HDAC9: variants seen among roughly 807,000 people sequenced by gnomAD.
HDAC9 encodes MEF-2 interacting transcription repressor (MITR) protein.
In HDAC9, 41 loss-of-function variants were observed where a neutral mutation model predicts 139.4. The ratio of observed to expected loss-of-function variants is 0.29; its 90% CI spans 0.23 to 0.38. The LOEUF (loss-of-function observed/expected upper bound fraction) is 0.38. Ranked by LOEUF, HDAC9 falls within the 10% of genes least tolerant of loss-of-function variation. The pLI, the probability that HDAC9 is intolerant of heterozygous loss-of-function variation, is 1.00. For synonymous variants in HDAC9, 517 were observed against 476.2 expected, an observed-to-expected ratio of 1.09 and a Z score of -1.12; for missense variants, 1,147 against 1,297.0, an observed-to-expected ratio of 0.88 and a Z score of 1.78.
chr7:18,916,328 A>T (rs1019233781), intron 22 of HDAC9, among the ~76,000 whole-genome samples: 1 of 152,048 alleles, frequency 6.6e-6, no homozygotes, highest in Non-Finnish European at 1.5e-5. Flanking sequence ...TCATAAATGC[A>T]AGGGGACTTT....
chr7:18,150,261 A>G (rs1786674517), intron 1 of HDAC9, among the ~76,000 whole-genome samples: 2 of 151,962 alleles, frequency 1.3e-5, no homozygotes, highest in South Asian at 4.1e-4. Flanking sequence ...GCAACAAAAC[A>G]GTCTGATTTA....
intron 24 of HDAC9, among the ~76,000 whole-genome samples, chr7:18,966,098 C>T (rs1457079239): frequency 6.6e-6 from 1 of 152,176 alleles, no homozygotes; most frequent in Non-Finnish European, 1.5e-5. Context: ...GCTTTAGCTT[C>T]TATCATTGTT....
At chr7:18,256,493 T>C (rs1270602559) in intron 2 of HDAC9, among the ~76,000 whole-genome samples, 1 of 152,224 alleles carries the variant, frequency 6.6e-6, no homozygotes, top group Non-Finnish European at 1.5e-5. Context: ...AGGTAAATCA[T>C]GCAGCCAATG....
At chr7:18,217,146 T>A (rs181687898) in intron 2 of HDAC9, among the ~76,000 whole-genome samples, 2 of 152,286 alleles carry the variant, frequency 1.3e-5, no homozygotes, top group African/African-American at 4.8e-5. Context: ...GTTTATATAT[T>A]CTACTCAGCT....
At chr7:18,207,750 T>C (rs1010881954) in intron 2 of HDAC9, among the ~76,000 whole-genome samples, 1 of 151,966 alleles carries the variant, frequency 6.6e-6, no homozygotes, top group Non-Finnish European at 1.5e-5. Flanking sequence ...GTTTTGCTCT[T>C]GTTGCCCAGG....
intron 1 of HDAC9, among the ~76,000 whole-genome samples, chr7:18,093,551 A>C (rs537010098): frequency 1.3e-5 from 2 of 152,192 alleles, no homozygotes; most frequent in East Asian, 3.9e-4. Context: ...CTTAGATCTA[A>C]AAGTAAGAAT....
chr7:18,494,478 G>T (rs532453683), upstream of HDAC9, among the ~76,000 whole-genome samples: 110 of 151,944 alleles, frequency 7.2e-4, no homozygotes, highest in African/African-American at 2.4e-3. Context: ...CATTTTCCTC[G>T]CTGATTTAGT....
At chr7:18,888,279 G>T (rs1585230201) in intron 22 of HDAC9, among the ~76,000 whole-genome samples, 1 of 152,166 alleles carries the variant, frequency 6.6e-6, no homozygotes, top group Non-Finnish European at 1.5e-5. Flanking sequence ...AATAAAATTA[G>T]CCAGGCGTGG....
At chr7:18,629,909 A>G (rs535823909) in intron 7 of HDAC9, among the ~76,000 whole-genome samples, 1 of 152,302 alleles carries the variant, frequency 6.6e-6, no homozygotes, top group East Asian at 1.9e-4. Flanking sequence ...TGGAACAGCA[A>G]AACCTTGACT....
intron 2 of HDAC9, among the ~76,000 whole-genome samples, chr7:18,235,143 A>G (rs1183944092): frequency 1.3e-5 from 2 of 152,206 alleles, no homozygotes. Flanking sequence ...CTGCAGATAA[A>G]GGAGTACATA....
At chr7:18,829,436 T>G in intron 18 of HDAC9, 25 bp from the exon 19 acceptor site, 1 of 1,526,524 alleles carries the variant, frequency 6.6e-7, no homozygotes, top group East Asian at 2.2e-5. Context: ...GCTTTCTTAT[T>G]TCTCTGTTCT....
chr7:18,120,431 A>G (rs551310470), intron 1 of HDAC9, among the ~76,000 whole-genome samples: 93 of 152,346 alleles, frequency 6.1e-4, no homozygotes, highest in Non-Finnish European at 1.1e-3. Context: ...CATTCATTAG[A>G]GACGGAGCCA....
At chr7:18,338,321 C>T (rs1261838096) in intron 1 of HDAC9, among the ~76,000 whole-genome samples, 2 of 151,580 alleles carry the variant, frequency 1.3e-5, no homozygotes, top group Non-Finnish European at 3.0e-5. Flanking sequence ...AACGATGTTG[C>T]AGTGATAATG....
intron 1 of HDAC9, among the ~76,000 whole-genome samples, chr7:18,446,013 C>T (rs1277522818): frequency 6.6e-6 from 1 of 152,188 alleles, no homozygotes; most frequent in African/African-American, 2.4e-5. Context: ...GAAAGAAAAC[C>T]TTTCTCTGGA....
intron 20 of HDAC9, 135 bp from the exon 21 acceptor site, chr7:18,835,765 C>T: frequency 9.8e-7 from 1 of 1,021,722 alleles, no homozygotes; most frequent in South Asian, 1.5e-5. Flanking sequence ...CACTGTTTGT[C>T]AGGGAAGGTT....
intron 2 of HDAC9, among the ~76,000 whole-genome samples, chr7:18,281,720 C>T (rs1797119816): frequency 1.3e-5 from 2 of 152,186 alleles, no homozygotes; most frequent in Non-Finnish European, 2.9e-5. Flanking sequence ...TGTATTTAGA[C>T]ATCTGACTTG....
intron 2 of HDAC9, among the ~76,000 whole-genome samples, chr7:18,194,296 T>G (rs546521456): frequency 6.6e-6 from 1 of 152,234 alleles, no homozygotes; most frequent in Non-Finnish European, 1.5e-5. Flanking sequence ...AATTTCTGTT[T>G]GTGTCCTTTG....
intron 1 of HDAC9, among the ~76,000 whole-genome samples, chr7:18,428,068 A>G (rs1010102045): frequency 4.6e-5 from 7 of 152,254 alleles, no homozygotes; most frequent in Admixed American, 1.3e-4. Context: ...CAGGACTTCC[A>G]TTTTTTTAAG....
intron 13 of HDAC9, among the ~76,000 whole-genome samples, chr7:18,730,224 C>G (rs960326634): frequency 6.6e-6 from 1 of 152,120 alleles, no homozygotes; most frequent in African/African-American, 2.4e-5. Context: ...ATGAAATGCA[C>G]CATCTTCACT....
Sources: allele counts gnomAD v4.1 joint callset (sites outside exome capture counted in the v4.1 genomes callset), GRCh38; gene constraint gnomAD v4.1.1; transcripts MANE v1.5; gene names NCBI Gene and HGNC (gene_info 2026-07-23, HGNC 2026-07-21).